Variants in PRKN observed in about 807,000 individuals in gnomAD.
PRKN encodes E3 ubiquitin-protein ligase parkin.
A neutral mutation model predicts 59.5 loss-of-function variants in PRKN; 56 were observed. The ratio of observed to expected loss-of-function variants is 0.94; its 90% confidence interval spans 0.76 to 1.18. PRKN has a LOEUF of 1.18. PRKN is among the 50% of genes most tolerant of loss of function. PRKN has a pLI of 0.00. For missense variants in PRKN, 657 were observed against 596.4 expected, an observed-to-expected ratio of 1.10 and a Z score of -1.06; for synonymous variants, 250 against 222.1, an observed-to-expected ratio of 1.13 and a Z score of -1.12.
At chr6:161,915,737 T>C (rs577947279) in intron 6 of PRKN, among the ~76,000 whole-genome samples, 6 of 152,336 alleles carry the variant, frequency 3.9e-5, no homozygotes, top group African/African-American at 1.4e-4. Context: ...CAGTTTAACT[T>C]AGCATTCTCA....
chr6:162,111,270 C>G (rs1444932696), intron 4 of PRKN, among the ~76,000 whole-genome samples: 1 of 152,086 alleles, frequency 6.6e-6, no homozygotes, highest in African/African-American at 2.4e-5. Flanking sequence ...TCGAGACCAT[C>G]CCGGCTAACA....
intron 1 of PRKN, among the ~76,000 whole-genome samples, chr6:162,654,698 T>G (rs2128227151): frequency 6.6e-6 from 1 of 152,276 alleles, no homozygotes; most frequent in South Asian, 2.1e-4. Flanking sequence ...TACCTGAGAC[T>G]GGGTAATTTA....
chr6:161,980,425 G>T (rs997682356), intron 5 of PRKN, among the ~76,000 whole-genome samples: 5 of 152,148 alleles, frequency 3.3e-5, no homozygotes, highest in Admixed American at 6.5e-5. Flanking sequence ...CATGGCTCAG[G>T]GTATAGTTAG....
chr6:162,026,238 T>C (rs1006373711), intron 5 of PRKN, among the ~76,000 whole-genome samples: 9 of 152,210 alleles, frequency 5.9e-5, no homozygotes, highest in South Asian at 2.1e-4. Context: ...CGCGTATTCA[T>C]AGACACATGA....
intron 1 of PRKN, among the ~76,000 whole-genome samples, chr6:162,510,090 G>C (rs560646488): frequency 6.6e-6 from 1 of 152,238 alleles, no homozygotes; most frequent in South Asian, 2.1e-4. Flanking sequence ...AGAGTGTCTT[G>C]ACAGAAAGCA....
At chr6:162,441,890 T>G (rs1790070748) in intron 2 of PRKN, among the ~76,000 whole-genome samples, 1 of 152,230 alleles carries the variant, frequency 6.6e-6, no homozygotes, top group Non-Finnish European at 1.5e-5. Context: ...CTGAAGGTTT[T>G]GGCAATATAA....
intron 4 of PRKN, among the ~76,000 whole-genome samples, chr6:162,158,820 A>G (rs1469311741): frequency 6.6e-6 from 1 of 151,902 alleles, no homozygotes; most frequent in Non-Finnish European, 1.5e-5. Flanking sequence ...ACTTGGGACT[A>G]TTATAGGCTT....
chr6:162,495,421 A>G (rs758852886), intron 1 of PRKN, among the ~76,000 whole-genome samples: 2 of 152,116 alleles, frequency 1.3e-5, no homozygotes, highest in Non-Finnish European at 2.9e-5. Flanking sequence ...TTGTGTCCAA[A>G]TGACACAGTG....
At chr6:162,064,473 A>C (rs1331684205) in intron 4 of PRKN, among the ~76,000 whole-genome samples, 7 of 152,190 alleles carry the variant, frequency 4.6e-5, no homozygotes, top group Admixed American at 6.5e-5. Context: ...TGGAAACAAT[A>C]GTCTGTGATT....
intron 7 of PRKN, among the ~76,000 whole-genome samples, chr6:161,570,124 TAAAAAAAA>T (rs55699586): frequency 0.011 from 545 of 51,432 alleles, 11 homozygotes; most frequent in African/African-American, 0.042. Context: ...AGTAAATAGG[TAAAAAAAA>T]AAAAAAAAAA....
chr6:162,416,071 T>C (rs1178446161), intron 2 of PRKN, among the ~76,000 whole-genome samples: 3 of 152,150 alleles, frequency 2.0e-5, no homozygotes, highest in Non-Finnish European at 4.4e-5. Context: ...CTTTCCAATA[T>C]TTGACCTCCA....
chr6:162,234,328 GA>G (rs1778551777), intron 3 of PRKN, among the ~76,000 whole-genome samples: 1 of 152,120 alleles, frequency 6.6e-6, no homozygotes, highest in Non-Finnish European at 1.5e-5. Context: ...TTAGGATTCT[GA>G]ATTTTGATTT....
intron 6 of PRKN, among the ~76,000 whole-genome samples, chr6:161,883,032 C>CAAAAAAAAAA (rs757091437): frequency 7.2e-6 from 1 of 139,608 alleles, no homozygotes; most frequent in African/African-American, 2.7e-5. Flanking sequence ...ACAACAACAA[C>CAAAAAAAAAA]AAAAAAAAAC....
At chr6:161,932,355 A>G (rs181261790) in intron 6 of PRKN, among the ~76,000 whole-genome samples, 3 of 152,276 alleles carry the variant, frequency 2.0e-5, no homozygotes, top group South Asian at 2.1e-4. Context: ...TTATATTTTT[A>G]TATCAACTAT....
Position 161,391,173 on chromosome 6 carries a change from T to C in PRKN, c.1084-4296A>G, listed in dbSNP as rs1161469935. On this transcript the variant is annotated intron_variant, in intron 9 of 11. Transcript: ENST00000366898. This position sits in a 1 kb window ranked among gnomAD's most constrained non-coding sequence, Gnocchi z 4.9. ...CCATTCTGCTGAGCTGCATGTCTCA[T>C]ATCTGGGGCGCCTGGATCCTTCTTT... Among the ~76,000 whole-genome samples the C allele has an allele frequency of 3.9e-5, 6 of 152,110 alleles. No individual in the cohort carries two copies. The highest frequency in any genetic ancestry group is 5.9e-5 in the Non-Finnish European group (4 of 68,036).
intron 6 of PRKN, among the ~76,000 whole-genome samples, chr6:161,878,857 G>A (rs897307467): frequency 1.3e-5 from 2 of 152,110 alleles, no homozygotes; most frequent in African/African-American, 4.8e-5. Context: ...TTTCTAATAG[G>A]TATATAGTTG....
At chr6:162,551,133 CACACATA>C (rs1768350220) in intron 1 of PRKN, among the ~76,000 whole-genome samples, 1 of 152,126 alleles carries the variant, frequency 6.6e-6, no homozygotes, top group East Asian at 1.9e-4. Flanking sequence ...GTCTGTGAGA[CACACATA>C]CAAACGAGAT....
rs1178399791 is a variant in PRKN, at chr6:162,679,484, T to C, written c.7+48178A>G. Among the ~76,000 whole-genome samples the C allele has an allele frequency of 3.9e-5, 6 of 152,164 alleles. No individual in the cohort carries two copies. In the South Asian group the frequency reaches 6.2e-4, roughly 16 times the overall value. The stretch of plus-strand genomic sequence containing the variant: ...TTTTATTTATGAATCCTGCTCTTGG[T>C]ATTATATCTAAGAAATCTTTGACTA... On this transcript the variant is annotated intron_variant, in intron 1 of 11. Coordinates refer to ENST00000366898, the MANE Select transcript of PRKN (RefSeq NM_004562.3).
intron 4 of PRKN, among the ~76,000 whole-genome samples, chr6:162,145,415 T>A (rs1781978882): frequency 6.6e-6 from 1 of 152,214 alleles, no homozygotes. Flanking sequence ...TATTTTGTGC[T>A]AAGCATAATG....
Sources: allele counts gnomAD v4.1 joint callset (sites outside exome capture counted in the v4.1 genomes callset), GRCh38; gene constraint gnomAD v4.1.1; non-coding constraint Gnocchi (gnomAD v3.1); transcripts MANE v1.5; gene names NCBI Gene and HGNC (gene_info 2026-07-23, HGNC 2026-07-21).